PUDP: variants seen among roughly 807,000 people sequenced by gnomAD.
PUDP encodes pseudouridine-5'-phosphatase.
In PUDP, 8 loss-of-function variants were observed where a neutral mutation model predicts 9.4. The ratio of observed to expected loss-of-function variants is 0.85; its 90% CI spans 0.50 to 1.53. The LOEUF (loss-of-function observed/expected upper bound fraction) is 1.53, where lower values mean the gene tolerates loss of function less well. Ranked by LOEUF, PUDP falls within the 40% of genes most tolerant of loss-of-function variation. PUDP has a pLI of 0.00. For missense variants in PUDP, 188 were observed against 189.7 expected (o/e 0.99, Z 0.05); for synonymous variants, 99 against 80.7 (o/e 1.23, Z -1.22).
chrX:6,860,282 C>T (rs892010404), intron 3 of PUDP, among the ~76,000 whole-genome samples: 5 of 109,748 alleles, frequency 4.6e-5, no homozygotes, highest in Non-Finnish European at 9.5e-5. Flanking sequence ...GTGCTTGACC[C>T]CTATTTTTTC....
intron 1 of PUDP, among the ~76,000 whole-genome samples, chrX:6,720,258 G>GTGTATATATATATATATATATA (rs1555907522): frequency 4.1e-5 from 2 of 48,799 alleles, no homozygotes; most frequent in African/African-American, 2.1e-4. Flanking sequence ...GTGTGTGTGT[G>GTGTATATATATATATATATATA]TATATATATA....
chrX:6,783,438 C>T (rs1415229389), intron 3 of PUDP, among the ~76,000 whole-genome samples: 1 of 111,171 alleles, frequency 9.0e-6, no homozygotes, highest in East Asian at 2.8e-4. Flanking sequence ...TGTGGACTCG[C>T]CCCGAATTCT....
chrX:6,956,958 A>G (rs930312601), intron 3 of PUDP, among the ~76,000 whole-genome samples: 2 of 112,236 alleles, frequency 1.8e-5, no homozygotes, highest in Non-Finnish European at 3.8e-5. Flanking sequence ...AAGGGCACAC[A>G]TCTCTCAGAT....
At chrX:6,869,229 G>A (rs1661776658) in intron 3 of PUDP, among the ~76,000 whole-genome samples, 1 of 111,868 alleles carries the variant, frequency 8.9e-6, no homozygotes, top group Non-Finnish European at 1.9e-5. Context: ...AGACCTAGTG[G>A]AATAAAACAA....
chrX:6,716,779 G>C (rs1234202829), intron 1 of PUDP, among the ~76,000 whole-genome samples: 1 of 110,767 alleles, frequency 9.0e-6, no homozygotes, highest in Non-Finnish European at 1.9e-5. Context: ...AGTAGAGGAA[G>C]ACATCACCAT....
intron 3 of PUDP, among the ~76,000 whole-genome samples, chrX:6,947,147 C>G (rs1007291847): frequency 9.1e-6 from 1 of 109,416 alleles, no homozygotes; most frequent in Admixed American, 9.8e-5. Flanking sequence ...ACTACAGGCA[C>G]GCACCACCAC....
chrX:6,866,745 G>A (rs893907754), intron 3 of PUDP, among the ~76,000 whole-genome samples: 2 of 112,252 alleles, frequency 1.8e-5, no homozygotes, highest in Non-Finnish European at 3.8e-5. Context: ...GACTGTGTGT[G>A]AGAACATTCA....
At chrX:6,914,990 T>C (rs745896796) in intron 3 of PUDP, among the ~76,000 whole-genome samples, 1 of 112,329 alleles carries the variant, frequency 8.9e-6, no homozygotes, top group South Asian at 3.7e-4. Flanking sequence ...CATGTTGGTG[T>C]TCAATTTCCA....
chrX:6,718,825 GC>G (rs1924629476), intron 1 of PUDP, among the ~76,000 whole-genome samples: 1 of 112,000 alleles, frequency 8.9e-6, no homozygotes, highest in South Asian at 3.7e-4. Context: ...AAACTCCCAT[GC>G]TGTGAGGGGG....
chrX:7,000,636 GA>G (rs921838076), intron 1 of PUDP, among the ~76,000 whole-genome samples: 3 of 106,649 alleles, frequency 2.8e-5, no homozygotes, highest in Non-Finnish European at 3.9e-5. Flanking sequence ...AAATAAAATA[GA>G]AAAAAAATTA....
At chrX:7,119,517 A>AAAAGTATT (rs1487879808) in intron 1 of PUDP, among the ~76,000 whole-genome samples, 5 of 112,711 alleles carry the variant, frequency 4.4e-5, no homozygotes, top group Non-Finnish European at 9.4e-5. Context: ...GGGCTTAGAA[A>AAAAGTATT]AAAGTATTTA....
rs1203690180 is a variant in PUDP at position 7,148,054 on chromosome X, CAGA to C, written c.57_59del (p.Leu20del). ...AGGCGGCGGCTGCACACTACCCACC[CAGA>C]AGAAGTCCGTCCATGTCAAAGATGA... is the stretch of plus-strand genomic sequence containing the variant. On this transcript the variant is annotated inframe_deletion and splice_region_variant, in exon 1 of 4. Coordinates refer to ENST00000381077, the MANE Select transcript of PUDP (RefSeq NM_012080.5). The C allele has an allele frequency of 4.4e-6, 5 of 1,139,018 alleles. No individual in the cohort carries two copies. The highest frequency in any genetic ancestry group is 2.0e-5 in the South Asian group (1 of 50,670). The allele number at this position is 1,139,018 out of a possible 1,213,427, so 93.9% of individuals were successfully genotyped here. A position where few individuals can be genotyped will look rare whatever the true frequency, so the allele number is the denominator to read the frequency against.
chrX:7,105,845 GA>G lies in PUDP; in HGVS notation c.62-8del, dbSNP rs746181851. ...GAATACAGCCGTTCAGTATCTGCAG[GA>G]AAAAAAAAAGAGATTTTTAGAGTGC... On this transcript the variant is annotated splice_polypyrimidine_tract_variant and splice_region_variant and intron_variant, in intron 1 of 3. Coordinates refer to ENST00000381077, the MANE Select transcript of PUDP (RefSeq NM_012080.5). 2.5e-3 allele frequency: 2,540 copies of G among 996,337 alleles called. No homozygotes were observed. Among genetic ancestry groups the G allele is most frequent in the Admixed American group, 7.9e-3 (257 of 32,677 alleles). 82.1% of individuals were successfully genotyped at this position (996,337 alleles called of 1,213,427 possible).
intron 1 of PUDP, among the ~76,000 whole-genome samples, chrX:7,040,573 C>T (rs1929908415): frequency 8.9e-6 from 1 of 112,063 alleles, no homozygotes. Context: ...ACAGTAGGGG[C>T]GCCACTGAGT....
At chrX:6,790,751 A>G (rs1003377706) in intron 3 of PUDP, among the ~76,000 whole-genome samples, 1 of 112,454 alleles carries the variant, frequency 8.9e-6, no homozygotes, top group Non-Finnish European at 1.9e-5. Flanking sequence ...CAATATTCAC[A>G]TAACAGGTGG....
At chrX:6,765,661 G>A (rs1454404921) in intron 3 of PUDP, among the ~76,000 whole-genome samples, 1 of 111,786 alleles carries the variant, frequency 8.9e-6, no homozygotes, top group Non-Finnish European at 1.9e-5. Flanking sequence ...TGACTGAGAT[G>A]TGATAGCAAA....
chrX:6,807,315 G>C (rs1396635884), intron 3 of PUDP, among the ~76,000 whole-genome samples: 1 of 111,925 alleles, frequency 8.9e-6, no homozygotes, highest in African/African-American at 3.2e-5. Flanking sequence ...TTGGCTCTTT[G>C]TAATTCCTTT....
chrX:7,074,912 A>G (rs1241660954), intron 3 of PUDP, among the ~76,000 whole-genome samples: 1 of 112,267 alleles, frequency 8.9e-6, no homozygotes. Flanking sequence ...GGCACGTCCC[A>G]CGTTAAGCAA....
chrX:6,848,112 T>C (rs1926775448), intron 3 of PUDP, among the ~76,000 whole-genome samples: 1 of 111,865 alleles, frequency 8.9e-6, no homozygotes, highest in Non-Finnish European at 1.9e-5. Context: ...ACTAAACAAT[T>C]ACAATTAATC....
Sources: allele counts gnomAD v4.1 joint callset (sites outside exome capture counted in the v4.1 genomes callset), GRCh38; gene constraint gnomAD v4.1.1; transcripts MANE v1.5; gene names NCBI Gene and HGNC (gene_info 2026-07-23, HGNC 2026-07-21).